The following COL11A2 variants were observed in gnomAD, a reference collection of about 807,000 sequenced individuals.
COL11A2 encodes the protein collagen alpha-2(XI) chain.
In COL11A2, 116 loss-of-function variants were observed where a neutral mutation model predicts 273.4. The ratio of observed to expected loss-of-function variants is 0.42; its 90% confidence interval spans 0.36 to 0.49. COL11A2 has a LOEUF of 0.49. COL11A2 is among the 20% of genes least tolerant of loss of function. COL11A2 has a pLI of 0.00. For synonymous variants in COL11A2, 782 were observed against 864.2 expected (o/e 0.90, Z 1.67); for missense variants, 1,866 against 2,309.0 (o/e 0.81, Z 3.93).
At chr6:33,180,859 C>T in intron 10 of COL11A2, 105 bp downstream of exon 10, 1 of 1,561,254 alleles carries the variant, frequency 6.4e-7, no homozygotes, top group South Asian at 1.1e-5. Context: ...AGGGATGCTC[C>T]CGAGTTCTGA....
chr6:33,192,055 G>A (rs1164084499), intron 1 of COL11A2, 104 bp downstream of exon 1: 1 of 1,090,100 alleles, frequency 9.2e-7, no homozygotes, highest in Non-Finnish European at 1.4e-6. Flanking sequence ...AAATCTCCTT[G>A]TTAGACTCAG....
chr6:33,171,249 A>G (rs774088499), intron 44 of COL11A2, 22 bp downstream of exon 44: 3 of 1,614,202 alleles, frequency 1.9e-6, no homozygotes, highest in Admixed American at 3.3e-5. Flanking sequence ...GGAGGTCAGA[A>G]GTCAAGGTCA....
chr6:33,190,131 G>A lies in COL11A2; in HGVS notation c.83-662C>T, dbSNP rs1397531616. ...GGGTGGGAACAACCCTGAGCATGCT[G>A]AGGAAAAAGATACAAGAAAGCTCTC... On this transcript the variant is annotated intron_variant, in intron 1 of 65. Coordinates refer to ENST00000341947, the MANE Select transcript of COL11A2 (RefSeq NM_080680.3). The surrounding 1 kb of genome is among the most constrained non-coding windows in gnomAD (Gnocchi z 4.5). Among the ~76,000 whole-genome samples the A allele has an allele frequency of 6.6e-6, 1 of 152,022 alleles. No homozygotes were observed. Among genetic ancestry groups the A allele is most frequent in the Admixed American group, 6.6e-5 (1 of 15,256 alleles).
chr6:33,171,744 G>A lies in COL11A2; in HGVS notation c.3119C>T (p.Pro1040Leu), dbSNP rs1215663888. The change falls in exon 42 of 66, where the codon CCC becomes CTC. Residue 1040 changes from proline (P) to leucine (L), a missense_variant. Transcript: ENST00000341947. ...ACCTTTCTCTCCTGCTGCTCCAGGG[G>A]GACCCTGCGGGCCTGGGCGCCCTGG... is the stretch of plus-strand genomic sequence containing the variant. ...GPPGRPGPQG[P>L]PGAAGEKGVP... is the part of the protein sequence containing the mutation. The A allele has an allele frequency of 6.2e-7, 1 of 1,613,026 alleles. No individual in the cohort carries two copies. Among genetic ancestry groups the A allele is most frequent in the Non-Finnish European group, 8.5e-7 (1 of 1,180,008 alleles).
At position 33,176,091 on chromosome 6, in the gene COL11A2, G is replaced by C; in HGVS notation, c.2215-22C>G. ...CACCCTGAGAAAGATAGAGGTGAGA[G>C]GGCACCACAGATGACAGAGGGCTGG... On this transcript the variant is annotated intron_variant, in intron 28 of 65. Transcript: ENST00000341947. This position sits in a 1 kb window ranked among gnomAD's most constrained non-coding sequence, Gnocchi z 4.9. The C allele has an allele frequency of 6.2e-7, 1 of 1,613,008 alleles. No individual in the cohort carries two copies. The highest frequency in any genetic ancestry group is 8.5e-7 in the Non-Finnish European group (1 of 1,179,948).
rs1769741718 is a variant in COL11A2 at position 33,169,600 on chromosome 6, G to C, written c.3691-110C>G. 3 of 1,168,538 alleles carry C rather than the reference G, an allele frequency of 2.6e-6. No individual in the cohort carries two copies. Among genetic ancestry groups the C allele is most frequent in the Non-Finnish European group, 3.8e-6 (3 of 791,802 alleles). The allele number at this position is 1,168,538 out of a possible 1,614,324, so 72.4% of individuals were successfully genotyped here. On this transcript the variant is annotated intron_variant, in intron 50 of 65. Transcript: ENST00000341947. This position sits in a 1 kb window ranked among gnomAD's most constrained non-coding sequence, Gnocchi z 5.5. The stretch of plus-strand genomic sequence containing the variant: ...ATCCCCTACTCCCCTCAGTGACAAT[G>C]GGACATACACAGAAAGTCAAGCCTA...
rs1309869209 is a variant in COL11A2 at position 33,190,407 on chromosome 6, G to A, written c.83-938C>T. 6.6e-6 allele frequency among the ~76,000 whole-genome samples: 1 copy of A among 152,116 alleles called. No individual in the cohort carries two copies. Among genetic ancestry groups the A allele is most frequent in the South Asian group, 2.1e-4 (1 of 4,818 alleles). On this transcript the variant is annotated intron_variant, in intron 1 of 65. Transcript: ENST00000341947. This position sits in a 1 kb window ranked among gnomAD's most constrained non-coding sequence, Gnocchi z 4.5. ...ATTCAAGATCCAGCCCACCAGCCCT[G>A]TCTAACTAGAACTCAGCTTCCTAGG...
Position 33,163,317 on chromosome 6 carries a change from G to T in COL11A2, c.*361C>A. 1.4e-4 allele frequency: 39 copies of T among 277,054 alleles called. No individual in the cohort carries two copies. Among genetic ancestry groups the T allele is most frequent in the Non-Finnish European group, 1.7e-4 (25 of 146,852 alleles). 17.2% of individuals were successfully genotyped at this position (277,054 alleles called of 1,614,324 possible). On this transcript the variant is annotated 3_prime_UTR_variant, in exon 66 of 66. Transcript: ENST00000341947. The surrounding 1 kb of genome is among the most constrained non-coding windows in gnomAD (Gnocchi z 4.1). The stretch of plus-strand genomic sequence containing the variant: ...TGGCGTTTCTCTTTTTTGTTATTTT[G>T]CTTTCCACACTTTAAATAATTAATA...
At position 33,178,095 on chromosome 6, in the gene COL11A2, G is replaced by A. The variant is rs771982375; in HGVS notation, c.1872+37C>T. On this transcript the variant is annotated intron_variant, in intron 21 of 65. Transcript: ENST00000341947. This position sits in a 1 kb window ranked among gnomAD's most constrained non-coding sequence, Gnocchi z 4.6. ...AAGGTGGAGAGTTGGAGAGGTCAAG[G>A]GGTCACCTCAGGGTCAGAAGTCAGG... The A allele has an allele frequency of 6.3e-7, 1 of 1,594,198 alleles. No individual in the cohort carries two copies. Among genetic ancestry groups the A allele is most frequent in the Admixed American group, 1.7e-5 (1 of 59,196 alleles).
rs763588519 is a variant in COL11A2 at position 33,167,048 on chromosome 6, C to G, written c.4230+22G>C. 4 of 1,612,774 alleles carry G rather than the reference C, an allele frequency of 2.5e-6. No homozygotes were observed. The Admixed American group carries it at 6.7e-5, about 27-fold the overall frequency. The stretch of plus-strand genomic sequence containing the variant: ...GAGGGTGATGGGAGAGACACCTGGC[C>G]ACGTGTCTGTCTGTCACTCACCTTC... On this transcript the variant is annotated intron_variant, in intron 58 of 65. Transcript: ENST00000341947. The surrounding 1 kb of genome is among the most constrained non-coding windows in gnomAD (Gnocchi z 6.1).
rs759444949 is a variant in COL11A2 at position 33,169,780 on chromosome 6, T to C, written c.3690+51A>G. 3 of 1,609,726 alleles carry C rather than the reference T, an allele frequency of 1.9e-6. No individual in the cohort carries two copies. Among genetic ancestry groups the C allele is most frequent in the Non-Finnish European group, 2.6e-6 (3 of 1,176,280 alleles). ...GGTCACAGGAAAAGTGGAGGCAGGG[T>C]TGAGGCGGGTGACGGGGACTGGGGA... On this transcript the variant is annotated intron_variant, in intron 50 of 65. Transcript: ENST00000341947. This position sits in a 1 kb window ranked among gnomAD's most constrained non-coding sequence, Gnocchi z 5.5.
Position 33,167,209 on chromosome 6 carries a change from C to G in COL11A2, c.4176+55G>C. ...GCCTCCACTTCCTCCAGGGCTTCAG[C>G]TCTGTCCCAGGGCACTGCCCTCACC... On this transcript the variant is annotated intron_variant, in intron 57 of 65. Transcript: ENST00000341947. This position sits in a 1 kb window ranked among gnomAD's most constrained non-coding sequence, Gnocchi z 6.1. The G allele has an allele frequency of 1.2e-6, 2 of 1,613,954 alleles. No homozygotes were observed. The highest frequency in any genetic ancestry group is 1.7e-6 in the Non-Finnish European group (2 of 1,179,824).
Position 33,163,863 on chromosome 6 carries a change from C to A in COL11A2, c.5071-45G>T, listed in dbSNP as rs1391032469. 2 of 1,611,998 alleles carry A rather than the reference C, an allele frequency of 1.2e-6. No individual in the cohort carries two copies. Among genetic ancestry groups the A allele is most frequent in the Non-Finnish European group, 1.7e-6 (2 of 1,179,322 alleles). ...AGAAAGTGTGAGCAGGATGGAGGCA[C>A]CCCCCACCCTCTAACCTCAGGCCCA... On this transcript the variant is annotated intron_variant, in intron 65 of 65. Coordinates refer to ENST00000341947, the MANE Select transcript of COL11A2 (RefSeq NM_080680.3). The surrounding 1 kb of genome is among the most constrained non-coding windows in gnomAD (Gnocchi z 4.1).
chr6:33,170,284 C>A lies in COL11A2; in HGVS notation c.3582+42G>T. On this transcript the variant is annotated intron_variant, in intron 48 of 65. Coordinates refer to ENST00000341947, the MANE Select transcript of COL11A2 (RefSeq NM_080680.3). The surrounding 1 kb of genome is among the most constrained non-coding windows in gnomAD (Gnocchi z 4.3). ...GGTCTGGGAAAGGGAGGCAGAAGACCAGACACATTGGTCTCAAGGGACAGG... is the reference window on the plus strand; with the variant it reads ...GGTCTGGGAAAGGGAGGCAGAAGACAAGACACATTGGTCTCAAGGGACAGG... 2 of 1,607,268 alleles carry A rather than the reference C, an allele frequency of 1.2e-6. No individual in the cohort carries two copies. The highest frequency in any genetic ancestry group is 1.1e-5 in the South Asian group (1 of 90,366).
chr6:33,189,061 G>C lies in COL11A2; in HGVS notation c.360C>G (p.Val120=). The change falls in exon 3 of 66, where the codon GTC becomes GTG. Residue 120 remains valine, a synonymous_variant. Transcript: ENST00000341947. This position sits in a 1 kb window ranked among gnomAD's most constrained non-coding sequence, Gnocchi z 5.6. ...CAGTCTGGTCTTCATACAGGAAGCG[G>C]ACAGGTCGGCCCAGCTCCAGGCCCA... ...RQLGLELGRP[V]RFLYEDQTGR... is the part of the protein sequence containing the mutation. 1 of 1,614,184 alleles carries C rather than the reference G, an allele frequency of 6.2e-7. No homozygotes were observed.
At chr6:33,188,949 A>G in intron 3 of COL11A2, 29 bp downstream of exon 3, 3 of 1,612,726 alleles carry the variant, frequency 1.9e-6, no homozygotes, top group Non-Finnish European at 1.7e-6. Flanking sequence ...AGTGTGGGCC[A>G]GGCAGACCAG....
rs757156228 is a variant in COL11A2, at chr6:33,178,451, C to T, written c.1757G>A (p.Gly586Asp). ...TACACTTACCCTCTCTCCATCCTCA[C>T]CAGGGGGACCAGGAAGGCCCTGGGC... ...TGAQGLPGPP[G>D]EDGERGDDGE... The change falls in exon 19 of 66, where the codon GGT becomes GAT. Residue 586 changes from glycine to aspartate, a missense_variant. Coordinates refer to ENST00000341947, the MANE Select transcript of COL11A2 (RefSeq NM_080680.3). This position sits in a 1 kb window ranked among gnomAD's most constrained non-coding sequence, Gnocchi z 4.6. The T allele has an allele frequency of 6.2e-7, 1 of 1,612,950 alleles. No homozygotes were observed. The highest frequency in any genetic ancestry group is 8.5e-7 in the Non-Finnish European group (1 of 1,179,974).
At position 33,190,865 on chromosome 6, in the gene COL11A2, T is replaced by G. The variant is rs957059255; in HGVS notation, c.82+1294A>C. 3.3e-5 allele frequency among the ~76,000 whole-genome samples: 5 copies of G among 151,816 alleles called. No individual in the cohort carries two copies. Among genetic ancestry groups the G allele is most frequent in the African/African-American group, 1.2e-4 (5 of 41,280 alleles). The stretch of plus-strand genomic sequence containing the variant: ...CAAATCCCAAGGGAGTACAATTCGA[T>G]CATATGGACAACCTACCCACAGGTC... On this transcript the variant is annotated intron_variant, in intron 1 of 65. Transcript: ENST00000341947. The surrounding 1 kb of genome is among the most constrained non-coding windows in gnomAD (Gnocchi z 4.5).
intron 42 of COL11A2, 58 bp from the exon 43 acceptor site, chr6:33,171,632 C>T: frequency 6.2e-7 from 1 of 1,600,844 alleles, no homozygotes; most frequent in Non-Finnish European, 8.5e-7. Flanking sequence ...TCAAACACCC[C>T]ACAGGAAACT....
Sources: allele counts gnomAD v4.1 joint callset (sites outside exome capture counted in the v4.1 genomes callset), GRCh38; gene constraint gnomAD v4.1.1; non-coding constraint Gnocchi (gnomAD v3.1); transcripts MANE v1.5; gene names NCBI Gene and HGNC (gene_info 2026-07-23, HGNC 2026-07-21).